The following CSMD3 variants were observed in gnomAD, a reference collection of about 807,000 sequenced individuals.
The protein encoded by CSMD3 is CUB and sushi domain-containing protein 3.
Under a neutral mutation model 435.2 loss-of-function variants are expected in CSMD3, and 177 were observed. The observed-to-expected ratio is 0.41, with a 90% CI of 0.36 to 0.46. The LOEUF (loss-of-function observed/expected upper bound fraction) is 0.46. Ranked by LOEUF, CSMD3 falls within the 20% of genes least tolerant of loss-of-function variation. The pLI, the probability that CSMD3 is intolerant of heterozygous loss-of-function variation, is 0.34. For missense variants in CSMD3, 4,265 were observed against 4,504.6 expected (o/e 0.95, Z 1.52); for synonymous variants, 1,656 against 1,520.5 (o/e 1.09, Z -2.07).
chr8:112,334,422 G>A (rs185163651), intron 45 of CSMD3, among the ~76,000 whole-genome samples: 5 of 152,226 alleles, frequency 3.3e-5, no homozygotes, highest in African/African-American at 1.2e-4. Context: ...TTAAAAAGGT[G>A]AAATGCTAAG....
chr8:113,212,319 T>A (rs1193653394), intron 3 of CSMD3, among the ~76,000 whole-genome samples: 2 of 152,150 alleles, frequency 1.3e-5, no homozygotes, highest in Admixed American at 1.3e-4. Flanking sequence ...TATATTGATA[T>A]CTCTTCAGTA....
intron 3 of CSMD3, among the ~76,000 whole-genome samples, chr8:113,227,187 A>C (rs1455805243): frequency 6.6e-6 from 1 of 151,638 alleles, no homozygotes; most frequent in East Asian, 1.9e-4. Context: ...AATAAAAATT[A>C]GAGAAATAAC....
intron 4 of CSMD3, among the ~76,000 whole-genome samples, chr8:113,135,099 C>A (rs534755277): frequency 1.2e-4 from 18 of 152,044 alleles, no homozygotes; most frequent in African/African-American, 4.1e-4. Flanking sequence ...AATGAAAGTG[C>A]TAACTTGAGT....
chr8:112,261,076 C>T (rs1816347684), intron 61 of CSMD3, among the ~76,000 whole-genome samples: 1 of 152,068 alleles, frequency 6.6e-6, no homozygotes, highest in Admixed American at 6.6e-5. Context: ...CTCAATCTAA[C>T]TTGTTAATAT....
intron 1 of CSMD3, among the ~76,000 whole-genome samples, chr8:113,361,770 T>G (rs1563745643): frequency 6.6e-6 from 1 of 152,152 alleles, no homozygotes; most frequent in Non-Finnish European, 1.5e-5. Flanking sequence ...CCATATCAAT[T>G]TGTAAGCTAT....
intron 5 of CSMD3, among the ~76,000 whole-genome samples, chr8:113,084,115 G>A (rs1267805419): frequency 3.3e-5 from 5 of 152,018 alleles, no homozygotes; most frequent in East Asian, 1.9e-4. Flanking sequence ...GAAGGAATTC[G>A]CCAAGGAAAG....
intron 3 of CSMD3, among the ~76,000 whole-genome samples, chr8:113,198,324 T>C (rs1353021710): frequency 3.3e-5 from 5 of 151,364 alleles, no homozygotes; most frequent in Non-Finnish European, 7.4e-5. Flanking sequence ...TTAGTATGTG[T>C]ATGTTGTATA....
intron 32 of CSMD3, among the ~76,000 whole-genome samples, chr8:112,466,404 T>A (rs562887791): frequency 1.3e-5 from 2 of 152,142 alleles, no homozygotes; most frequent in Admixed American, 1.3e-4. Context: ...TGCTGAATTG[T>A]TAAAAAAAAC....
At chr8:112,254,408 T>A in intron 62 of CSMD3, 82 bp from the exon 63 acceptor site, 1 of 951,250 alleles carries the variant, frequency 1.1e-6, no homozygotes, top group Non-Finnish European at 1.7e-6. Context: ...TTTTAAATAA[T>A]CTGGGGTTTG....
intron 3 of CSMD3, among the ~76,000 whole-genome samples, chr8:113,240,891 T>C (rs2093207255): frequency 6.6e-6 from 1 of 152,182 alleles, no homozygotes; most frequent in African/African-American, 2.4e-5. Context: ...CTCTCTTTCT[T>C]TCTGGCTTCC....
rs923757067 is a variant in CSMD3 at position 113,344,722 on chromosome 8, T to C, written c.179-29929A>G. On this transcript the variant is annotated intron_variant, in intron 1 of 70. Coordinates refer to ENST00000297405, the MANE Select transcript of CSMD3 (RefSeq NM_198123.2). Reference sequence around the variant, plus strand: ...AGTTTCATATTCCAGCAACTGGTGTTCATAAATCCATAAGTGAGCCACTCA... The same window carrying C: ...AGTTTCATATTCCAGCAACTGGTGTCCATAAATCCATAAGTGAGCCACTCA... 5.3e-5 allele frequency among the ~76,000 whole-genome samples: 8 copies of C among 152,260 alleles called. 1 individual carries two copies. Among genetic ancestry groups the C allele is most frequent in the African/African-American group, 1.9e-4 (8 of 41,554 alleles).
In CSMD3 at chr8:112,311,106, C is replaced by A. The variant is rs772627826; in HGVS notation, c.7757G>T (p.Gly2586Val). The A allele has an allele frequency of 2.5e-6, 4 of 1,613,866 alleles. No individual in the cohort carries two copies. Among genetic ancestry groups the A allele is most frequent in the Non-Finnish European group, 2.5e-6 (3 of 1,179,958 alleles). ...PHGYIISQTG[G>V]QLNSVVRWAC... ...CCAACGGACCACACTGTTAAGCTGCCCACCTGTCTGACTGATAATATATCC... is the reference window on the plus strand; with the variant it reads ...CCAACGGACCACACTGTTAAGCTGCACACCTGTCTGACTGATAATATATCC... Residue 2586 changes from glycine to valine, a missense_variant, in exon 50 of 71, where the codon GGG becomes GTG. This residue lies in a region of CSMD3 where 3,255 missense variants were observed against 3,380.2 expected (regional missense o/e 0.96). Transcript: ENST00000297405.
At chr8:112,662,267 G>T (rs60844736) in intron 17 of CSMD3, among the ~76,000 whole-genome samples, 1 of 151,832 alleles carries the variant, frequency 6.6e-6, no homozygotes, top group South Asian at 2.1e-4. Flanking sequence ...ACCTGACTTC[G>T]AACTATACTA....
intron 58 of CSMD3, among the ~76,000 whole-genome samples, chr8:112,286,612 T>C (rs1288502223): frequency 3.3e-5 from 5 of 152,146 alleles, no homozygotes; most frequent in African/African-American, 4.8e-5. Context: ...TTTACTATTA[T>C]AGTTTTAATC....
At chr8:112,441,570 G>T (rs1476002399) in intron 32 of CSMD3, among the ~76,000 whole-genome samples, 1 of 152,172 alleles carries the variant, frequency 6.6e-6, no homozygotes, top group Non-Finnish European at 1.5e-5. Context: ...TTCTCATGCT[G>T]CTATAAAGCA....
intron 7 of CSMD3, among the ~76,000 whole-genome samples, chr8:112,961,060 A>T (rs2084209809): frequency 6.6e-6 from 1 of 151,794 alleles, no homozygotes; most frequent in Admixed American, 6.6e-5. Flanking sequence ...TCACAATTTT[A>T]CTATTGTGCT....
At chr8:112,383,488 G>T in intron 37 of CSMD3, 79 bp downstream of exon 37, 1 of 786,492 alleles carries the variant, frequency 1.3e-6, no homozygotes, top group Non-Finnish European at 2.2e-6. Context: ...TACCAAGTAA[G>T]AGTTGTAGAT....
At chr8:113,367,917 T>C (rs1482485999) in intron 1 of CSMD3, among the ~76,000 whole-genome samples, 1 of 152,074 alleles carries the variant, frequency 6.6e-6, no homozygotes, top group African/African-American at 2.4e-5. Flanking sequence ...CAATCTAAAT[T>C]ATTTTATTTA....
chr8:112,248,759 A>G (rs887184840), intron 63 of CSMD3, among the ~76,000 whole-genome samples: 6 of 152,258 alleles, frequency 3.9e-5, no homozygotes, highest in Middle Eastern at 3.4e-3. Context: ...CCAGAACTAT[A>G]CTAGGCCAGA....
Sources: gnomAD v4.1 joint callset for allele counts (sites outside exome capture counted in the v4.1 genomes callset) on GRCh38, gnomAD v4.1.1 for gene constraint, gnomAD v4.1.1 regional missense constraint, MANE v1.5 for transcripts, NCBI Gene and HGNC (gene_info 2026-07-23, HGNC 2026-07-21) for gene names.